The following SAMD4A variants were observed in gnomAD, a reference collection of about 807,000 sequenced individuals.
The protein encoded by SAMD4A is protein Smaug homolog 1.
A neutral mutation model predicts 81.3 loss-of-function variants in SAMD4A; 33 were observed. The ratio of observed to expected loss-of-function variants is 0.41; its 90% CI spans 0.31 to 0.54. SAMD4A has a LOEUF of 0.54. Ranked by LOEUF, SAMD4A falls within the 20% of genes least tolerant of loss-of-function variation. SAMD4A has a pLI of 0.37. For missense variants in SAMD4A, 854 were observed against 951.1 expected (o/e 0.90, Z 1.34); for synonymous variants, 389 against 382.1 (o/e 1.02, Z -0.21).
chr14:54,643,104 G>A (rs1484400952), intron 2 of SAMD4A, among the ~76,000 whole-genome samples: 1 of 152,226 alleles, frequency 6.6e-6, no homozygotes, highest in Non-Finnish European at 1.5e-5. Flanking sequence ...AGGCAGGAGG[G>A]GGAAAGTCTT....
chr14:54,776,455 A>T lies in SAMD4A; in HGVS notation c.1959A>T (p.Pro653=). The T allele has an allele frequency of 6.3e-7, 1 of 1,595,436 alleles. No homozygotes were observed. The highest frequency in any genetic ancestry group is 1.4e-5 in the African/African-American group (1 of 73,856). Residue 653 remains proline, a synonymous_variant, in exon 11 of 13, where the codon CCA becomes CCT. Transcript: ENST00000554335. The stretch of plus-strand genomic sequence containing the variant: ...ACCCCGGGGGCAGCAATAGCATGCC[A>T]AGCCGCACCCACAGCTCAGTCCAGA... The part of the protein sequence containing the change: ...FANPGGSNSM[P]SRTHSSVQRT...
At chr14:54,757,645 A>G (rs1293524204) in intron 6 of SAMD4A, among the ~76,000 whole-genome samples, 1 of 152,182 alleles carries the variant, frequency 6.6e-6, no homozygotes, top group Non-Finnish European at 1.5e-5. Flanking sequence ...TCCCATTGAC[A>G]GCAGCTGCAT....
At chr14:54,602,614 C>T (rs1293169829) in intron 2 of SAMD4A, among the ~76,000 whole-genome samples, 3 of 151,800 alleles carry the variant, frequency 2.0e-5, no homozygotes, top group Non-Finnish European at 2.9e-5. Context: ...TTAAGACATT[C>T]ACCTTCGGGA....
chr14:54,734,474 T>A (rs2037640410), intron 3 of SAMD4A, among the ~76,000 whole-genome samples: 1 of 152,258 alleles, frequency 6.6e-6, no homozygotes, highest in African/African-American at 2.4e-5. Context: ...ACCTCAGGTA[T>A]AATTGATGTT....
intron 2 of SAMD4A, chr14:54,681,887 G>A: frequency 7.1e-6 from 7 of 985,404 alleles, no homozygotes; most frequent in Non-Finnish European, 7.2e-6. Context: ...ACAGACCACT[G>A]CTCTGGAGGA....
intron 4 of SAMD4A, among the ~76,000 whole-genome samples, chr14:54,743,692 C>G (rs2037898632): frequency 6.6e-6 from 1 of 152,220 alleles, no homozygotes; most frequent in Admixed American, 6.5e-5. Flanking sequence ...TAGGCCACCT[C>G]TCACCTTCCA....
chr14:54,720,417 A>G (rs1163417564), intron 3 of SAMD4A, among the ~76,000 whole-genome samples: 1 of 152,136 alleles, frequency 6.6e-6, no homozygotes, highest in African/African-American at 2.4e-5. Context: ...AGAGGAAGGG[A>G]CCTAGAACCT....
rs558108136 is a variant in SAMD4A at position 54,600,795 on chromosome 14, A to G, written c.196+32683A>G. On this transcript the variant is annotated intron_variant, in intron 2 of 12. Coordinates refer to ENST00000554335, the MANE Select transcript of SAMD4A (RefSeq NM_015589.6). ...ACAGTACATTGAAATGTTCACCAAC[A>G]ACCTTAATCCTTTCTTGGGGAAGAT... Among the ~76,000 whole-genome samples, 41 of 152,354 alleles carry G rather than the reference A, an allele frequency of 2.7e-4. No homozygotes were observed. In the South Asian group the frequency reaches 8.3e-3, roughly 31 times the overall value.
Position 54,751,534 on chromosome 14 carries a change from A to G in SAMD4A, c.1173A>G (p.Glu391=), listed in dbSNP as rs1411709271. ...KERQNLLKSL[E]RDIIEGGSLR... ...GACAAAATCTCCTGAAGTCTTTGGA[A>G]AGGGTAAGTTATCGGATGAGGGAAC... The change falls in exon 6 of 13, where the codon GAA becomes GAG. Residue 391 remains glutamate, a synonymous_variant. Coordinates refer to ENST00000554335, the MANE Select transcript of SAMD4A (RefSeq NM_015589.6). The G allele has an allele frequency of 6.3e-7, 1 of 1,586,880 alleles. No homozygotes were observed. The highest frequency in any genetic ancestry group is 1.7e-5 in the Admixed American group (1 of 58,764).
At chr14:54,626,018 GTGTGTGTGTGTGT>G (rs1566554125) in intron 2 of SAMD4A, among the ~76,000 whole-genome samples, 1 of 34,552 alleles carries the variant, frequency 2.9e-5, no homozygotes, top group East Asian at 6.3e-4. Context: ...ACTGCTAGGT[GTGTGTGTGTGTGT>G]GTGTGTGTGT....
rs999027023 is a variant in SAMD4A, at chr14:54,613,336, T to G, written c.196+45224T>G. On this transcript the variant is annotated intron_variant, in intron 2 of 12. Coordinates refer to ENST00000554335, the MANE Select transcript of SAMD4A (RefSeq NM_015589.6). ...AGACCAGAGGGAGGTGGGAGCAGGT[T>G]AGGGTGAAATGAAGCAGGTAGCAGG... Among the ~76,000 whole-genome samples, 6 of 152,164 alleles carry G rather than the reference T, an allele frequency of 3.9e-5. No homozygotes were observed. The East Asian group carries it at 1.2e-3, about 29-fold the overall frequency.
Position 54,775,036 on chromosome 14 carries a change from C to G in SAMD4A, c.1818C>G (p.Val606=). 1 of 1,614,230 alleles carries G rather than the reference C, an allele frequency of 6.2e-7. No individual in the cohort carries two copies. Among genetic ancestry groups the G allele is most frequent in the Non-Finnish European group, 8.5e-7 (1 of 1,180,042 alleles). ...AGTACCAGATCCCCTCTCGGAACGTCCCTTCCGCCCGCCTGGGCCTCTTGG... is the reference window on the plus strand; with the variant it reads ...AGTACCAGATCCCCTCTCGGAACGTGCCTTCCGCCCGCCTGGGCCTCTTGG... ...PRQYQIPSRN[V]PSARLGLLGT... The change falls in exon 10 of 13, where the codon GTC becomes GTG. Residue 606 remains valine, a synonymous_variant. Coordinates refer to ENST00000554335, the MANE Select transcript of SAMD4A (RefSeq NM_015589.6).
intron 12 of SAMD4A, among the ~76,000 whole-genome samples, chr14:54,787,286 C>G (rs544510084): frequency 6.6e-6 from 1 of 152,190 alleles, no homozygotes; most frequent in Non-Finnish European, 1.5e-5. Context: ...TAAAATCATA[C>G]AGAACTTATA....
chr14:54,695,314 A>G (rs1306551532), intron 2 of SAMD4A, among the ~76,000 whole-genome samples: 1 of 152,232 alleles, frequency 6.6e-6, no homozygotes, highest in Non-Finnish European at 1.5e-5. Flanking sequence ...GTCAAGAAAT[A>G]AACTAGACCT....
chr14:54,736,841 T>G (rs1171551365), intron 3 of SAMD4A, among the ~76,000 whole-genome samples, 183 bp from the exon 4 acceptor site: 1 of 152,130 alleles, frequency 6.6e-6, no homozygotes, highest in Non-Finnish European at 1.5e-5. Context: ...AGGGACAGAC[T>G]GCATCCTTTT....
chr14:54,736,902 A>G (rs928525684), intron 3 of SAMD4A, 122 bp from the exon 4 acceptor site: 2 of 1,150,710 alleles, frequency 1.7e-6, no homozygotes, highest in African/African-American at 3.1e-5. Context: ...ACCTGCTGTG[A>G]CCATGGATGG....
At chr14:54,729,168 G>A (rs1236912571) in intron 3 of SAMD4A, among the ~76,000 whole-genome samples, 1 of 152,134 alleles carries the variant, frequency 6.6e-6, no homozygotes, top group Non-Finnish European at 1.5e-5. Context: ...TGGTGGCTCA[G>A]TCATGAAATC....
At chr14:54,788,759 A>G (rs560593078) in intron 12 of SAMD4A, among the ~76,000 whole-genome samples, 157 bp from the exon 13 acceptor site, 1 of 152,312 alleles carries the variant, frequency 6.6e-6, no homozygotes, top group South Asian at 2.1e-4. Flanking sequence ...CCCAGATATC[A>G]TGTGGGTGGG....
intron 4 of SAMD4A, among the ~76,000 whole-genome samples, chr14:54,743,071 T>C (rs989658246): frequency 6.6e-6 from 1 of 152,186 alleles, no homozygotes; most frequent in African/African-American, 2.4e-5. Context: ...AGATCCTCTT[T>C]AAGAAAAAGG....
Sources: gnomAD v4.1 joint callset for allele counts (sites outside exome capture counted in the v4.1 genomes callset) on GRCh38, gnomAD v4.1.1 for gene constraint, MANE v1.5 for transcripts, NCBI Gene and HGNC (gene_info 2026-07-23, HGNC 2026-07-21) for gene names.